The following REDIC1 variants were observed in gnomAD, a reference collection of about 807,000 sequenced individuals.
REDIC1 encodes the protein regulator of DNA class I crossover intermediates 1.
At chr12:39,702,080 A>G in the REDIC1 span, among the ~76,000 whole-genome samples, 1 of 152,184 alleles carries the variant, frequency 6.6e-6, no homozygotes, top group East Asian at 1.9e-4. Context: ...GGCAAGAAAT[A>G]ACTAAAATCA....
the REDIC1 span, among the ~76,000 whole-genome samples, chr12:39,753,798 TC>T: frequency 6.6e-6 from 1 of 152,164 alleles, no homozygotes; most frequent in Non-Finnish European, 1.5e-5. Context: ...TTGATAACCT[TC>T]ACTACACACA....
At chr12:39,764,680 CTA>C in the REDIC1 span, 1 of 1,590,280 alleles carries the variant, frequency 6.3e-7, no homozygotes, top group Non-Finnish European at 8.5e-7. Flanking sequence ...TATAGTTTAT[CTA>C]CTCCAAAAAG....
the REDIC1 span, among the ~76,000 whole-genome samples, chr12:39,713,736 C>T: frequency 6.8e-6 from 1 of 147,850 alleles, no homozygotes; most frequent in African/African-American, 2.5e-5. Flanking sequence ...TGCGTATATA[C>T]ATATGTATAT....
chr12:39,804,012 T>TG, the REDIC1 span, among the ~76,000 whole-genome samples: 1 of 151,426 alleles, frequency 6.6e-6, no homozygotes, highest in African/African-American at 2.4e-5. Flanking sequence ...GAAGAAGAAA[T>TG]GTCTGAATTC....
At chr12:39,793,441 C>G in the REDIC1 span, among the ~76,000 whole-genome samples, 1 of 152,024 alleles carries the variant, frequency 6.6e-6, no homozygotes, top group Admixed American at 6.6e-5. Context: ...AAAATCTTAG[C>G]AATATAAGCT....
At chr12:39,706,786 G>A in the REDIC1 span, among the ~76,000 whole-genome samples, 22 of 152,058 alleles carry the variant, frequency 1.4e-4, no homozygotes, top group Middle Eastern at 0.01. Flanking sequence ...ATGCTGCAGC[G>A]AAAACTGGTA....
At chr12:39,728,211 G>A in the REDIC1 span, among the ~76,000 whole-genome samples, 2 of 152,132 alleles carry the variant, frequency 1.3e-5, no homozygotes, top group Admixed American at 6.5e-5. Context: ...GGGCATCGTT[G>A]TCTTGTGCTG....
At chr12:39,742,968 A>T in the REDIC1 span, among the ~76,000 whole-genome samples, 1 of 152,228 alleles carries the variant, frequency 6.6e-6, no homozygotes, top group Non-Finnish European at 1.5e-5. Context: ...GAAGTTCAGT[A>T]TGAATAAGTC....
At chr12:39,822,002 C>T in the REDIC1 span, among the ~76,000 whole-genome samples, 1 of 151,834 alleles carries the variant, frequency 6.6e-6, no homozygotes, top group African/African-American at 2.4e-5. Context: ...ATGTGACATG[C>T]TGGTGCGCTG....
chr12:39,703,839 T>C, the REDIC1 span, among the ~76,000 whole-genome samples: 1 of 152,156 alleles, frequency 6.6e-6, no homozygotes, highest in Admixed American at 6.5e-5. Context: ...GATTCCCTAT[T>C]TAATAAATGG....
the REDIC1 span, among the ~76,000 whole-genome samples, chr12:39,644,845 G>T: frequency 6.6e-6 from 1 of 151,854 alleles, no homozygotes; most frequent in African/African-American, 2.4e-5. Flanking sequence ...AAAACATACA[G>T]ATTTATTTAG....
the REDIC1 span, among the ~76,000 whole-genome samples, chr12:39,712,285 C>A: frequency 0.73 from 87,455 of 119,334 alleles, 33,176 homozygotes; most frequent in Non-Finnish European, 0.83. Context: ...TGTATATATA[C>A]CTGTATGTAT....
At chr12:39,692,288 A>T in the REDIC1 span, 3 of 532,066 alleles carry the variant, frequency 5.6e-6, no homozygotes, top group Admixed American at 4.4e-5. Flanking sequence ...TATTAAATAT[A>T]CATGAGTACA....
chr12:39,880,164 C>T, the REDIC1 span, among the ~76,000 whole-genome samples: 1 of 152,148 alleles, frequency 6.6e-6, no homozygotes, highest in African/African-American at 2.4e-5. Context: ...ATGCCAGCAC[C>T]ATGCTTCCTG....
the REDIC1 span, among the ~76,000 whole-genome samples, chr12:39,896,293 T>TATAC: frequency 1.9e-5 from 2 of 105,942 alleles, no homozygotes; most frequent in Admixed American, 9.2e-5. Flanking sequence ...TATGTATATG[T>TATAC]GTGTATATAT....
the REDIC1 span, among the ~76,000 whole-genome samples, chr12:39,672,833 GGGCAGGA>G: frequency 6.6e-6 from 1 of 152,132 alleles, no homozygotes; most frequent in South Asian, 2.1e-4. Flanking sequence ...TTGGGCCCTG[GGGCAGGA>G]TACCATCTGT....
the REDIC1 span, chr12:39,684,178 G>C: frequency 9.7e-7 from 1 of 1,035,952 alleles, no homozygotes; most frequent in Non-Finnish European, 1.2e-6. Context: ...ATTATGTGTT[G>C]ATGTTAAATT....
the REDIC1 span, among the ~76,000 whole-genome samples, chr12:39,682,318 A>G: frequency 6.6e-6 from 1 of 152,104 alleles, no homozygotes; most frequent in African/African-American, 2.4e-5. Flanking sequence ...AGATTTTATT[A>G]TAGAAAATAT....
chr12:39,714,643 G>C, the REDIC1 span, among the ~76,000 whole-genome samples: 1 of 151,798 alleles, frequency 6.6e-6, no homozygotes, highest in Non-Finnish European at 1.5e-5. Flanking sequence ...TTTCTATGCT[G>C]TTTTCCATAG....
Sources: gnomAD v4.1 joint callset for allele counts (sites outside exome capture counted in the v4.1 genomes callset) on GRCh38, gnomAD v4.1.1 for gene constraint, MANE v1.5 for transcripts, NCBI Gene and HGNC (gene_info 2026-07-23, HGNC 2026-07-21) for gene names.